The following PTPRM variants were observed in gnomAD, a reference collection of about 807,000 sequenced individuals.
PTPRM encodes the protein protein tyrosine phosphatase receptor type M.
PTPRM carries 47 observed loss-of-function variants against 186.7 expected under a neutral mutation model. The observed-to-expected ratio is 0.25, with a 90% CI of 0.20 to 0.32. The LOEUF is 0.32. Among genes scored for constraint, PTPRM ranks in the 10% least tolerant of loss-of-function variants. PTPRM has a pLI of 1.00. For synonymous variants in PTPRM, 668 were observed against 674.9 expected (o/e 0.99, Z 0.16); for missense variants, 1,494 against 1,865.0 (o/e 0.80, Z 3.66).
chr18:8,120,352 T>C (rs1284204205), intron 13 of PTPRM, among the ~76,000 whole-genome samples: 2 of 152,160 alleles, frequency 1.3e-5, no homozygotes, highest in African/African-American at 2.4e-5. Flanking sequence ...ACTTAGCTTC[T>C]GATTATAGTT....
intron 13 of PTPRM, among the ~76,000 whole-genome samples, chr18:8,126,473 A>G (rs903066113): frequency 6.6e-5 from 10 of 152,160 alleles, no homozygotes; most frequent in African/African-American, 2.4e-4. Flanking sequence ...GGCAAGAGCC[A>G]TAAAAAGGTT....
intron 14 of PTPRM, among the ~76,000 whole-genome samples, chr18:8,176,205 TAGAGAGAGAG>T (rs3046337): frequency 2.7e-5 from 4 of 149,634 alleles, no homozygotes; most frequent in Admixed American, 1.3e-4. Context: ...GGCAGTATAA[TAGAGAGAGAG>T]AGAGAGAGAG....
intron 2 of PTPRM, among the ~76,000 whole-genome samples, chr18:7,782,563 A>G (rs1034062202): frequency 2.0e-5 from 3 of 152,124 alleles, no homozygotes; most frequent in African/African-American, 7.2e-5. Flanking sequence ...CCCCCAACTG[A>G]AACTCTGTAC....
chr18:8,022,420 GTTTTC>G (rs1257025266), intron 7 of PTPRM, among the ~76,000 whole-genome samples: 1 of 152,148 alleles, frequency 6.6e-6, no homozygotes, highest in African/African-American at 2.4e-5. Context: ...CTTGGAAAGC[GTTTTC>G]TAAGTCTTTT....
intron 5 of PTPRM, among the ~76,000 whole-genome samples, chr18:7,927,839 C>T (rs758527804): frequency 6.6e-6 from 1 of 152,162 alleles, no homozygotes; most frequent in Admixed American, 6.5e-5. Context: ...CTCCTGGGAT[C>T]AAGTGATCCT....
At chr18:7,901,490 C>G (rs929067936) in intron 3 of PTPRM, among the ~76,000 whole-genome samples, 6 of 152,080 alleles carry the variant, frequency 3.9e-5, no homozygotes, top group Non-Finnish European at 8.8e-5. Context: ...CCTCAGGCTC[C>G]CGAGTAGCTG....
chr18:7,623,348 A>G (rs1167146619), intron 1 of PTPRM, among the ~76,000 whole-genome samples: 6 of 152,164 alleles, frequency 3.9e-5, no homozygotes, highest in Admixed American at 3.9e-4. Context: ...AGGAAGATAA[A>G]ACATACTACC....
chr18:7,921,473 C>T (rs1158632358), intron 4 of PTPRM, among the ~76,000 whole-genome samples: 6 of 151,576 alleles, frequency 4.0e-5, no homozygotes, highest in Admixed American at 6.6e-5. Context: ...CTTTGCCTCC[C>T]GGGTACATGC....
intron 7 of PTPRM, among the ~76,000 whole-genome samples, chr18:7,975,054 A>T (rs2054839545): frequency 6.6e-6 from 1 of 152,228 alleles, no homozygotes; most frequent in Non-Finnish European, 1.5e-5. Context: ...GCAATGATGA[A>T]GATGCATCCT....
chr18:7,574,060 G>A (rs948678587), intron 1 of PTPRM, among the ~76,000 whole-genome samples: 2 of 152,140 alleles, frequency 1.3e-5, no homozygotes, highest in Non-Finnish European at 2.9e-5. Flanking sequence ...CCTGAGATTG[G>A]AGAACCCTTG....
In PTPRM at chr18:8,376,448, C is replaced by T. The variant is rs751226287; in HGVS notation, c.3327-14C>T. The T allele has an allele frequency of 1.5e-5, 24 of 1,614,098 alleles. No homozygotes were observed. In the East Asian group the frequency reaches 5.3e-4, roughly 36 times the overall value. Reference sequence around the variant, plus strand: ...TCCTTCTTCCTCCACTGACAGACCCCCCTTTTCATTCAGTGCTGGTGCAGG... The same window carrying T: ...TCCTTCTTCCTCCACTGACAGACCCTCCTTTTCATTCAGTGCTGGTGCAGG... On this transcript the variant is annotated splice_polypyrimidine_tract_variant and intron_variant, in intron 25 of 32. Transcript: ENST00000580170.
intron 5 of PTPRM, among the ~76,000 whole-genome samples, chr18:7,928,498 G>C (rs554909458): frequency 9.2e-5 from 14 of 152,136 alleles, no homozygotes; most frequent in African/African-American, 2.7e-4. Flanking sequence ...GGCCATCTGT[G>C]GTAATTAATG....
intron 1 of PTPRM, among the ~76,000 whole-genome samples, chr18:7,606,721 TC>T (rs1435602536): frequency 2.0e-5 from 3 of 152,230 alleles, no homozygotes; most frequent in Non-Finnish European, 4.4e-5. Flanking sequence ...CTAGGCTGTT[TC>T]CCTTGCCCTT....
At chr18:8,379,930 C>T (rs2095721607) in intron 28 of PTPRM, among the ~76,000 whole-genome samples, 1 of 152,084 alleles carries the variant, frequency 6.6e-6, no homozygotes, top group South Asian at 2.1e-4. Flanking sequence ...ATACAAATTG[C>T]TAGCAAACAA....
intron 1 of PTPRM, among the ~76,000 whole-genome samples, chr18:7,636,438 C>T (rs1490752271): frequency 1.3e-5 from 2 of 152,110 alleles, no homozygotes; most frequent in African/African-American, 2.4e-5. Context: ...CATTTACTTC[C>T]AAGTAAACCC....
At chr18:7,752,793 A>G (rs929521775) in intron 1 of PTPRM, among the ~76,000 whole-genome samples, 3 of 152,114 alleles carry the variant, frequency 2.0e-5, no homozygotes, top group East Asian at 1.9e-4. Context: ...ATAGAAAACA[A>G]TACTCAGAGA....
chr18:7,830,442 C>T (rs1274529259), intron 2 of PTPRM, among the ~76,000 whole-genome samples: 1 of 152,166 alleles, frequency 6.6e-6, no homozygotes, highest in Admixed American at 6.5e-5. Flanking sequence ...GTGCAAACAC[C>T]ACAAAATGTA....
intron 7 of PTPRM, among the ~76,000 whole-genome samples, chr18:8,050,180 T>G (rs1333930726): frequency 4.6e-5 from 7 of 152,222 alleles, no homozygotes; most frequent in Non-Finnish European, 7.3e-5. Flanking sequence ...AGGGAGAACC[T>G]TATTTGAAGT....
At chr18:8,360,748 G>A (rs180827283) in intron 23 of PTPRM, 6 of 152,332 alleles carry the variant, frequency 3.9e-5, no homozygotes, top group Admixed American at 1.3e-4. Context: ...TTCAACACCC[G>A]ACACTGTTTG....
Sources: allele counts gnomAD v4.1 joint callset (sites outside exome capture counted in the v4.1 genomes callset), GRCh38; gene constraint gnomAD v4.1.1; transcripts MANE v1.5; gene names NCBI Gene and HGNC (gene_info 2026-07-23, HGNC 2026-07-21).